CAMK2D: variants seen among roughly 807,000 people sequenced by gnomAD.
The protein encoded by CAMK2D is calcium/calmodulin-dependent protein kinase type II subunit delta.
A neutral mutation model predicts 84.0 loss-of-function variants in CAMK2D; 37 were observed. The observed-to-expected ratio is 0.44, with a 90% CI of 0.34 to 0.58. CAMK2D has a LOEUF of 0.58. CAMK2D is among the 20% of genes least tolerant of loss of function. CAMK2D has a pLI of 0.02. For synonymous variants in CAMK2D, 202 were observed against 212.5 expected, an observed-to-expected ratio of 0.95 and a Z score of 0.43; for missense variants, 448 against 652.5, an observed-to-expected ratio of 0.69 and a Z score of 3.41.
In CAMK2D at chr4:113,560,219, T is replaced by G. The variant is rs113712743; in HGVS notation, c.276-8123A>C. 3.8e-3 allele frequency among the ~76,000 whole-genome samples: 583 copies of G among 151,676 alleles called. 3 individuals are homozygous for G. Among genetic ancestry groups the G allele is most frequent in the African/African-American group, 0.013 (553 of 41,438 alleles). On this transcript the variant is annotated intron_variant, in intron 4 of 20. Transcript: ENST00000511664. ...CAAGTTCTCCAGTGAGCGACTCATT[T>G]GTTCTCACAGCATTTTTTTTTTTTT...
chr4:113,637,810 T>C (rs1004560913), intron 3 of CAMK2D, among the ~76,000 whole-genome samples: 6 of 152,180 alleles, frequency 3.9e-5, no homozygotes, highest in African/African-American at 7.2e-5. Context: ...GCCTCTACCA[T>C]GCAGAGATAG....
At chr4:113,487,875 C>A (rs1275405336) in intron 16 of CAMK2D, among the ~76,000 whole-genome samples, 1 of 151,744 alleles carries the variant, frequency 6.6e-6, no homozygotes, top group African/African-American at 2.4e-5. Flanking sequence ...AGAGATCTTA[C>A]AATAATCTAT....
intron 3 of CAMK2D, among the ~76,000 whole-genome samples, chr4:113,631,618 C>T (rs1404157036): frequency 6.6e-6 from 1 of 152,102 alleles, no homozygotes; most frequent in African/African-American, 2.4e-5. Context: ...AGAAGGATGA[C>T]CCAGACCAAA....
intron 2 of CAMK2D, among the ~76,000 whole-genome samples, chr4:113,721,841 T>C (rs2099531451): frequency 6.6e-6 from 1 of 152,150 alleles, no homozygotes; most frequent in African/African-American, 2.4e-5. Flanking sequence ...CTTGTACTGG[T>C]GCAGTCAAAC....
chr4:113,542,011 A>G (rs2098533274), intron 6 of CAMK2D, among the ~76,000 whole-genome samples: 1 of 152,218 alleles, frequency 6.6e-6, no homozygotes, highest in Admixed American at 6.5e-5. Flanking sequence ...TAAGTTTGCA[A>G]TTAGGAAGTA....
chr4:113,758,954 A>G (rs898583448), intron 2 of CAMK2D, among the ~76,000 whole-genome samples: 1 of 152,216 alleles, frequency 6.6e-6, no homozygotes, highest in African/African-American at 2.4e-5. Flanking sequence ...TCTCAAAAGC[A>G]AAAGGGAATT....
Position 113,471,416 on chromosome 4 carries a change from C to T in CAMK2D, c.1136-5812G>A, listed in dbSNP as rs377683465. Among the ~76,000 whole-genome samples, 26 of 152,252 alleles carry T rather than the reference C, an allele frequency of 1.7e-4. No homozygotes were observed. In the South Asian group the frequency reaches 5.2e-3, roughly 30 times the overall value. On this transcript the variant is annotated intron_variant, in intron 16 of 20. Transcript: ENST00000511664. ...CTAGGCTCCATGCTCATATTTCTAA[C>T]TGCATTCTAAACATCTGAATTTGTC... is the stretch of plus-strand genomic sequence containing the variant.
chr4:113,495,238 C>T (rs1184511365), intron 16 of CAMK2D, among the ~76,000 whole-genome samples: 3 of 152,166 alleles, frequency 2.0e-5, no homozygotes, highest in African/African-American at 7.2e-5. Flanking sequence ...AGTTATTATA[C>T]ACTACACTAC....
chr4:113,542,486 C>T (rs2098536898), intron 6 of CAMK2D, among the ~76,000 whole-genome samples: 2 of 151,050 alleles, frequency 1.3e-5, no homozygotes, highest in East Asian at 2.0e-4. Context: ...GAGGCCGAGA[C>T]GGGCGGATCA....
chr4:113,620,027 G>A lies in CAMK2D; in HGVS notation c.221-10821C>T, dbSNP rs538473276. Among the ~76,000 whole-genome samples, 136 of 152,202 alleles carry A rather than the reference G, an allele frequency of 8.9e-4. 1 individual carries two copies. The highest frequency in any genetic ancestry group is 1.6e-3 in the Non-Finnish European group (111 of 68,016). On this transcript the variant is annotated intron_variant, in intron 3 of 20. Transcript: ENST00000511664. ...GTTACTATATAATACAACAAATGATGGGAATCACCAAGAGAATGATAGAAA... is the reference window on the plus strand; with the variant it reads ...GTTACTATATAATACAACAAATGATAGGAATCACCAAGAGAATGATAGAAA...
intron 4 of CAMK2D, among the ~76,000 whole-genome samples, chr4:113,555,368 T>C (rs2098657522): frequency 6.6e-6 from 1 of 152,128 alleles, no homozygotes; most frequent in South Asian, 2.1e-4. Context: ...ACCCAGTTAA[T>C]GCACAAGTAG....
chr4:113,711,474 T>C (rs2099492378), intron 2 of CAMK2D, among the ~76,000 whole-genome samples: 1 of 152,140 alleles, frequency 6.6e-6, no homozygotes, highest in Admixed American at 6.6e-5. Context: ...ATATTTTTAC[T>C]AAGGAGATTG....
At chr4:113,680,722 C>A (rs1368476729) in intron 2 of CAMK2D, among the ~76,000 whole-genome samples, 1 of 152,160 alleles carries the variant, frequency 6.6e-6, no homozygotes, top group African/African-American at 2.4e-5. Context: ...ATAGAACAAA[C>A]GTTCTTTGTG....
intron 3 of CAMK2D, among the ~76,000 whole-genome samples, chr4:113,660,372 C>T (rs1296493810): frequency 1.3e-5 from 2 of 152,080 alleles, no homozygotes; most frequent in Non-Finnish European, 2.9e-5. Context: ...TTTACTATTT[C>T]TAGAATCAAA....
At position 113,760,269 on chromosome 4, in the gene CAMK2D, G is replaced by A. The variant is rs551953292; in HGVS notation, c.65+735C>T. On this transcript the variant is annotated intron_variant, in intron 1 of 20. Coordinates refer to ENST00000511664, the MANE Select transcript of CAMK2D (RefSeq NM_001321571.2). ...GGTGAAGGAGGTGGTTTTACACAAT[G>A]CTAGGCTACGCTTAAGAGCGCTCTC... Among the ~76,000 whole-genome samples, 4 of 152,108 alleles carry A rather than the reference G, an allele frequency of 2.6e-5. No individual in the cohort carries two copies. In the East Asian group the frequency reaches 7.7e-4, roughly 29 times the overall value.
chr4:113,708,607 T>C (rs1206404970), intron 2 of CAMK2D, among the ~76,000 whole-genome samples: 3 of 152,226 alleles, frequency 2.0e-5, no homozygotes, highest in Admixed American at 1.3e-4. Flanking sequence ...TTTCCTCAGC[T>C]GTAGGAATAA....
chr4:113,494,417 C>T (rs1431313980), intron 16 of CAMK2D, among the ~76,000 whole-genome samples: 3 of 152,006 alleles, frequency 2.0e-5, no homozygotes, highest in Non-Finnish European at 4.4e-5. Context: ...TGTCAGTGTG[C>T]CCCTGCTGGG....
In CAMK2D at chr4:113,622,263, C is replaced by T. The variant is rs561357724; in HGVS notation, c.221-13057G>A. Among the ~76,000 whole-genome samples the T allele has an allele frequency of 2.6e-5, 4 of 152,214 alleles. No individual in the cohort carries two copies. The East Asian group carries it at 5.8e-4, about 22-fold the overall frequency. On this transcript the variant is annotated intron_variant, in intron 3 of 20. Transcript: ENST00000511664. Reference sequence around the variant, plus strand: ...TTATGTTGAGGAGCAAACTTCTTAACGTGACCCATTTATCATGTATCATCC... The same window carrying T: ...TTATGTTGAGGAGCAAACTTCTTAATGTGACCCATTTATCATGTATCATCC...
intron 3 of CAMK2D, among the ~76,000 whole-genome samples, chr4:113,622,258 C>G (rs1378389731): frequency 2.6e-5 from 4 of 152,120 alleles, no homozygotes; most frequent in South Asian, 2.1e-4. Flanking sequence ...GAGCAAACTT[C>G]TTAACGTGAC....
Sources: gnomAD v4.1 joint callset for allele counts (sites outside exome capture counted in the v4.1 genomes callset) on GRCh38, gnomAD v4.1.1 for gene constraint, MANE v1.5 for transcripts, NCBI Gene and HGNC (gene_info 2026-07-23, HGNC 2026-07-21) for gene names.